The following GALNT13 variants were observed in gnomAD, a reference collection of about 807,000 sequenced individuals.
The protein encoded by GALNT13 is polypeptide N-acetylgalactosaminyltransferase 13.
Under a neutral mutation model 64.2 loss-of-function variants are expected in GALNT13, and 28 were observed. The observed-to-expected ratio is 0.44, with a 90% CI of 0.32 to 0.60. The LOEUF (loss-of-function observed/expected upper bound fraction) is 0.60, where lower values mean the gene tolerates loss of function less well. GALNT13 is among the 20% of genes least tolerant of loss of function. The pLI is 0.05. For missense variants in GALNT13, 577 were observed against 669.8 expected (o/e 0.86, Z 1.53); for synonymous variants, 214 against 224.6 (o/e 0.95, Z 0.42).
chr2:153,644,881 ATTC>A, the GALNT13 span, among the ~76,000 whole-genome samples: 1 of 152,082 alleles, frequency 6.6e-6, no homozygotes, highest in Non-Finnish European at 1.5e-5. Flanking sequence ...TCTGTCCATT[ATTC>A]TTCACAAACT....
intron 8 of GALNT13, chr2:154,287,575 G>T: frequency 4.3e-6 from 1 of 233,662 alleles, no homozygotes; most frequent in Non-Finnish European, 8.7e-6. Context: ...GTTCTACTTG[G>T]CTGTTGAAAC....
the GALNT13 span, among the ~76,000 whole-genome samples, chr2:153,557,241 A>G: frequency 6.6e-6 from 1 of 152,230 alleles, no homozygotes. Context: ...CATGTTGTAC[A>G]GATTTGTAGC....
At chr2:153,195,852 A>C in the GALNT13 span, among the ~76,000 whole-genome samples, 3 of 152,204 alleles carry the variant, frequency 2.0e-5, no homozygotes, top group Non-Finnish European at 2.9e-5. Flanking sequence ...AGAACAGCTC[A>C]GAGGAGACCC....
chr2:153,293,078 T>A, the GALNT13 span, among the ~76,000 whole-genome samples: 2 of 151,996 alleles, frequency 1.3e-5, no homozygotes, highest in Non-Finnish European at 2.9e-5. Flanking sequence ...TCCATTTTCA[T>A]CCAGGCATTT....
the GALNT13 span, among the ~76,000 whole-genome samples, chr2:153,763,447 G>A: frequency 3.9e-5 from 6 of 152,220 alleles, no homozygotes; most frequent in Admixed American, 3.9e-4. Context: ...TCCCCATACT[G>A]TTGTCACGAT....
chr2:153,100,983 C>T, the GALNT13 span, among the ~76,000 whole-genome samples: 27 of 141,092 alleles, frequency 1.9e-4, no homozygotes, highest in African/African-American at 5.2e-4. Context: ...GAGCCAAGAT[C>T]GTGCCACTGT....
the GALNT13 span, among the ~76,000 whole-genome samples, chr2:153,441,856 A>G: frequency 3.3e-5 from 5 of 152,148 alleles, no homozygotes; most frequent in East Asian, 3.9e-4. Flanking sequence ...AGCTGAGACA[A>G]TGGGGTTTCC....
chr2:154,234,800 G>A (rs16836281), intron 4 of GALNT13, among the ~76,000 whole-genome samples: 3,556 of 152,092 alleles, frequency 0.023, 123 homozygotes, highest in African/African-American at 0.074. Context: ...ATATTTTTGT[G>A]ACATGCAGAA....
At chr2:153,319,140 CAGT>C in the GALNT13 span, among the ~76,000 whole-genome samples, 2 of 152,172 alleles carry the variant, frequency 1.3e-5, no homozygotes, top group Non-Finnish European at 2.9e-5. Context: ...TAATATCTTT[CAGT>C]AGTTTTCATC....
chr2:153,844,013 TC>T, the GALNT13 span, among the ~76,000 whole-genome samples: 4 of 152,162 alleles, frequency 2.6e-5, no homozygotes, highest in Non-Finnish European at 4.4e-5. Flanking sequence ...CTACAGCTTT[TC>T]CAGGAATAAG....
chr2:153,601,616 C>G, the GALNT13 span, among the ~76,000 whole-genome samples: 16 of 151,438 alleles, frequency 1.1e-4, no homozygotes, highest in African/African-American at 3.2e-4. Context: ...CACTCCTGTT[C>G]AGTGTGGTTA....
chr2:153,617,053 C>G, the GALNT13 span, among the ~76,000 whole-genome samples: 4 of 151,758 alleles, frequency 2.6e-5, no homozygotes, highest in Non-Finnish European at 5.9e-5. Flanking sequence ...TAAGAAATAT[C>G]TTATCTTTCT....
chr2:154,016,241 G>A (rs1478189220), intron 3 of GALNT13, among the ~76,000 whole-genome samples: 1 of 152,108 alleles, frequency 6.6e-6, no homozygotes, highest in Non-Finnish European at 1.5e-5. Context: ...ATTACACAAA[G>A]TGATCAAAAT....
At chr2:153,902,521 A>C (rs72863664) in intron 2 of GALNT13, among the ~76,000 whole-genome samples, 11,635 of 152,114 alleles carry the variant, frequency 0.076, 505 homozygotes, top group East Asian at 0.13. Context: ...GGTATTTTTA[A>C]ATGTTATTCT....
At chr2:153,893,006 G>T (rs1287348543) in intron 1 of GALNT13, among the ~76,000 whole-genome samples, 2 of 152,084 alleles carry the variant, frequency 1.3e-5, no homozygotes, top group African/African-American at 4.8e-5. Context: ...CTTGATGTTG[G>T]TAGTCTGCTA....
chr2:154,204,343 T>C (rs1354995826), intron 4 of GALNT13, among the ~76,000 whole-genome samples: 1 of 152,216 alleles, frequency 6.6e-6, no homozygotes, highest in African/African-American at 2.4e-5. Flanking sequence ...GTCTGTCTTA[T>C]TACTATATTT....
At chr2:154,136,062 C>G (rs1682932313) in intron 3 of GALNT13, among the ~76,000 whole-genome samples, 1 of 151,954 alleles carries the variant, frequency 6.6e-6, no homozygotes. Flanking sequence ...TTATTGGTAG[C>G]AGAGTATGAA....
the GALNT13 span, among the ~76,000 whole-genome samples, chr2:153,561,560 GTCACATT>G: frequency 6.6e-6 from 1 of 152,014 alleles, no homozygotes; most frequent in African/African-American, 2.4e-5. Flanking sequence ...CACTTGTGGT[GTCACATT>G]GGTGCTCAAA....
At chr2:153,200,596 A>G in the GALNT13 span, among the ~76,000 whole-genome samples, 1 of 152,234 alleles carries the variant, frequency 6.6e-6, no homozygotes, top group African/African-American at 2.4e-5. Context: ...CACAGAATCT[A>G]TCTCATTGCC....
Sources: allele counts gnomAD v4.1 joint callset (sites outside exome capture counted in the v4.1 genomes callset), GRCh38; gene constraint gnomAD v4.1.1; transcripts MANE v1.5; gene names NCBI Gene and HGNC (gene_info 2026-07-23, HGNC 2026-07-21).